The following PTPN4 variants were observed in gnomAD, a reference collection of about 807,000 sequenced individuals.
The protein encoded by PTPN4 is protein tyrosine phosphatase non-receptor type 4, also known as tyrosine-protein phosphatase non-receptor type 4.
Under a neutral mutation model 135.5 loss-of-function variants are expected in PTPN4, and 49 were observed. That is an observed-to-expected ratio of 0.36 (90% confidence interval 0.29 to 0.46). The LOEUF (loss-of-function observed/expected upper bound fraction) is 0.46, where lower values mean the gene tolerates loss of function less well. PTPN4 is among the 20% of genes least tolerant of loss of function. The pLI, the probability that PTPN4 is intolerant of heterozygous loss-of-function variation, is 1.00. For missense variants in PTPN4, 860 were observed against 1,101.0 expected (o/e 0.78, Z 3.10); for synonymous variants, 333 against 369.9 (o/e 0.90, Z 1.14).
chr2:119,826,684 G>A (rs1385223703), intron 2 of PTPN4, among the ~76,000 whole-genome samples: 2 of 152,154 alleles, frequency 1.3e-5, no homozygotes, highest in Non-Finnish European at 2.9e-5. Context: ...TTGGAAAACT[G>A]TGCTCTAAGG....
At chr2:119,931,433 C>CTTTTTTT (rs1158907026) in intron 13 of PTPN4, among the ~76,000 whole-genome samples, 40 of 83,354 alleles carry the variant, frequency 4.8e-4, no homozygotes, top group African/African-American at 7.4e-4. Flanking sequence ...TTCTTTCTTT[C>CTTTTTTT]TTTTTTTTTT....
At chr2:119,915,043 C>T (rs1422619646) in intron 10 of PTPN4, 136 bp from the exon 11 acceptor site, 5 of 669,210 alleles carry the variant, frequency 7.5e-6, no homozygotes, top group Non-Finnish European at 1.1e-5. Flanking sequence ...ACTTTCAATT[C>T]TTTATGTACT....
chr2:119,934,508 C>A (rs946298427), intron 14 of PTPN4, among the ~76,000 whole-genome samples: 2 of 152,098 alleles, frequency 1.3e-5, no homozygotes, highest in Non-Finnish European at 2.9e-5. Flanking sequence ...TTTATAAATG[C>A]TGAGTAAGAC....
At chr2:119,949,140 C>G (rs921299868) in intron 18 of PTPN4, among the ~76,000 whole-genome samples, 2 of 152,108 alleles carry the variant, frequency 1.3e-5, no homozygotes, top group African/African-American at 4.8e-5. Context: ...GTTAAGTTCT[C>G]TTTTTAATCT....
chr2:119,901,459 C>T (rs13414116), intron 10 of PTPN4, among the ~76,000 whole-genome samples: 44,349 of 151,940 alleles, frequency 0.29, 6,627 homozygotes, highest in African/African-American at 0.35. Flanking sequence ...CTGACACCTA[C>T]GGTTTGTACA....
chr2:119,961,633 G>A (rs1385286384), intron 23 of PTPN4, among the ~76,000 whole-genome samples: 1 of 152,146 alleles, frequency 6.6e-6, no homozygotes, highest in Non-Finnish European at 1.5e-5. Context: ...ATTTATAATG[G>A]CCAAAATGTA....
chr2:119,906,822 C>T (rs1006122084), intron 10 of PTPN4, among the ~76,000 whole-genome samples: 1 of 152,144 alleles, frequency 6.6e-6, no homozygotes. Context: ...CCAGAGCAGT[C>T]AGGAAAGAGA....
At chr2:119,779,352 T>C (rs1467634495) in intron 1 of PTPN4, among the ~76,000 whole-genome samples, 1 of 152,208 alleles carries the variant, frequency 6.6e-6, no homozygotes, top group Non-Finnish European at 1.5e-5. Context: ...GCGCGGTGGC[T>C]CACGCCTGTA....
chr2:119,843,116 G>C (rs1235530600), intron 2 of PTPN4, among the ~76,000 whole-genome samples: 1 of 151,744 alleles, frequency 6.6e-6, no homozygotes, highest in African/African-American at 2.4e-5. Flanking sequence ...TGTTACTATA[G>C]TGGATTACCA....
At chr2:119,875,416 A>T (rs1677970078) in intron 3 of PTPN4, among the ~76,000 whole-genome samples, 1 of 152,202 alleles carries the variant, frequency 6.6e-6, no homozygotes, top group Non-Finnish European at 1.5e-5. Flanking sequence ...GAACTGAATG[A>T]GGAAGACAAG....
rs1553430617 is a variant in PTPN4 at position 119,765,933 on chromosome 2, T to TGTGCGC, written c.-18+5550_-18+5551insTGCGCG. On this transcript the variant is annotated intron_variant, in intron 1 of 26. Coordinates refer to ENST00000263708, the MANE Select transcript of PTPN4 (RefSeq NM_002830.4). ...GTGAATCTGTGTGTGTGTGTGTGTG[T>TGTGCGC]GCGCGCGCGCATGTGCGTTGATTGC... Among the ~76,000 whole-genome samples, 235 of 151,146 alleles carry TGTGCGC rather than the reference T, an allele frequency of 1.6e-3. 1 individual carries two copies. The highest frequency in any genetic ancestry group is 3.2e-3 in the South Asian group (15 of 4,734).
At chr2:119,779,009 T>C (rs1349133582) in intron 1 of PTPN4, among the ~76,000 whole-genome samples, 2 of 152,200 alleles carry the variant, frequency 1.3e-5, no homozygotes, top group African/African-American at 4.8e-5. Flanking sequence ...TATGTGTAAG[T>C]ACAGAGAGAG....
intron 2 of PTPN4, among the ~76,000 whole-genome samples, chr2:119,856,997 G>C (rs1677689950): frequency 6.6e-6 from 1 of 152,156 alleles, no homozygotes; most frequent in Non-Finnish European, 1.5e-5. Context: ...GTAGGGGTGA[G>C]ACTGAGTAAA....
At chr2:119,959,178 A>G (rs1679329641) in intron 22 of PTPN4, among the ~76,000 whole-genome samples, 1 of 152,046 alleles carries the variant, frequency 6.6e-6, no homozygotes, top group South Asian at 2.1e-4. Flanking sequence ...CAAGTAGTCA[A>G]ATTTGCAAAT....
chr2:119,897,213 A>G (rs1330921076), intron 9 of PTPN4, among the ~76,000 whole-genome samples: 1 of 151,976 alleles, frequency 6.6e-6, no homozygotes, highest in African/African-American at 2.4e-5. Flanking sequence ...GATTACAGGC[A>G]TGAGCCACCA....
chr2:119,883,832 T>C (rs1211747129), intron 8 of PTPN4, among the ~76,000 whole-genome samples: 1 of 152,212 alleles, frequency 6.6e-6, no homozygotes, highest in Non-Finnish European at 1.5e-5. Flanking sequence ...ACTGAAGAAA[T>C]GTTAGCTGTT....
At position 119,882,535 on chromosome 2, in the gene PTPN4, T is replaced by C; in HGVS notation, c.499T>C (p.Leu167=). ...ELGDYDQSEN[L]SGYLSDYSFI... is the part of the protein sequence containing the mutation. ...TGGAGACTACGATCAGTCAGAGAAC[T>C]TGTCAGGCTACCTCTCAGATTATTC... Residue 167 remains leucine, a synonymous_variant, in exon 8 of 27, where the codon TTG becomes CTG. Transcript: ENST00000263708. 2 of 1,549,800 alleles carry C rather than the reference T, an allele frequency of 1.3e-6. No individual in the cohort carries two copies. Among genetic ancestry groups the C allele is most frequent in the Non-Finnish European group, 1.8e-6 (2 of 1,141,346 alleles).
chr2:119,873,338 A>AT (rs1478699664), intron 3 of PTPN4, among the ~76,000 whole-genome samples: 1 of 152,208 alleles, frequency 6.6e-6, no homozygotes, highest in Non-Finnish European at 1.5e-5. Flanking sequence ...GAGAAAGAGA[A>AT]AAGTGACTTG....
chr2:119,863,633 T>C (rs973926754), intron 3 of PTPN4, among the ~76,000 whole-genome samples: 1 of 152,154 alleles, frequency 6.6e-6, no homozygotes, highest in African/African-American at 2.4e-5. Flanking sequence ...GTGGGAATTA[T>C]ATATCAAACG....
Sources: gnomAD v4.1 joint callset for allele counts (sites outside exome capture counted in the v4.1 genomes callset) on GRCh38, gnomAD v4.1.1 for gene constraint, MANE v1.5 for transcripts, NCBI Gene and HGNC (gene_info 2026-07-23, HGNC 2026-07-21) for gene names.